CAMSAP1: variants seen among roughly 807,000 people sequenced by gnomAD.
The protein encoded by CAMSAP1 is calmodulin-regulated spectrin-associated protein 1.
In CAMSAP1, 58 loss-of-function variants were observed where a neutral mutation model predicts 143.5. That is an observed-to-expected ratio of 0.40 (90% CI 0.33 to 0.50). The LOEUF is 0.50. Ranked by LOEUF, CAMSAP1 falls within the 20% of genes least tolerant of loss-of-function variation. CAMSAP1 has a pLI of 0.45. For synonymous variants in CAMSAP1, 945 were observed against 859.3 expected, an observed-to-expected ratio of 1.10 and a Z score of -1.74; for missense variants, 1,969 against 2,115.7, an observed-to-expected ratio of 0.93 and a Z score of 1.36.
At chr9:135,906,324 AC>A (rs1838776131) in intron 1 of CAMSAP1, among the ~76,000 whole-genome samples, 1 of 152,252 alleles carries the variant, frequency 6.6e-6, no homozygotes, top group Non-Finnish European at 1.5e-5. Context: ...GAAACAAAGC[AC>A]CTGAAATTAA....
chr9:135,865,253 C>G, intron 4 of CAMSAP1: 1 of 1,382,838 alleles, frequency 7.2e-7, no homozygotes, highest in Admixed American at 2.0e-5. Context: ...GTTTTGGGTG[C>G]GAGCAGTTTT....
intron 10 of CAMSAP1, 131 bp from the exon 11 acceptor site, chr9:135,823,391 C>A: frequency 9.8e-7 from 1 of 1,021,390 alleles, no homozygotes; most frequent in East Asian, 2.7e-5. Flanking sequence ...TAAACTCACT[C>A]TTCCACAGAG....
intron 5 of CAMSAP1, among the ~76,000 whole-genome samples, chr9:135,860,349 G>A (rs897540959): frequency 2.0e-5 from 3 of 152,150 alleles, no homozygotes; most frequent in Non-Finnish European, 4.4e-5. Flanking sequence ...TGTAATCCCA[G>A]CACTTTGGGA....
chr9:135,808,960 T>C lies in CAMSAP1; in HGVS notation c.*2349A>G, dbSNP rs1405514541. 2.0e-5 allele frequency: 3 copies of C among 152,212 alleles called. No individual in the cohort carries two copies. The East Asian group carries it at 5.8e-4, about 29-fold the overall frequency. The allele number at this position is 152,212 out of a possible 1,614,324, so 9.4% of individuals were successfully genotyped here. A position where few individuals can be genotyped will look rare whatever the true frequency, so the allele number is the denominator to read the frequency against. On this transcript the variant is annotated 3_prime_UTR_variant, in exon 17 of 17. Transcript: ENST00000389532. ...GTCTTAAATAACAAGGTTAGAATTC[T>C]GAGACACAACGAAAGTTGTGCAAGC...
At chr9:135,825,525 G>A (rs1370202250) in intron 8 of CAMSAP1, among the ~76,000 whole-genome samples, 1 of 152,204 alleles carries the variant, frequency 6.6e-6, no homozygotes, top group East Asian at 1.9e-4. Context: ...GCATGGGTGT[G>A]AAGGCCTCAC....
At position 135,824,653 on chromosome 9, in the gene CAMSAP1, G is replaced by GA; in HGVS notation, c.1315+135dup. ...GCACTTCAGCCTGGTGACAGAGCAAGACTCCATCTCAAAAAACAAACAAAC... is the reference window on the plus strand; with the variant it reads ...GCACTTCAGCCTGGTGACAGAGCAAGAACTCCATCTCAAAAAACAAACAAAC... On this transcript the variant is annotated intron_variant, in intron 9 of 16. Transcript: ENST00000389532. This position sits in a 1 kb window ranked among gnomAD's most constrained non-coding sequence, Gnocchi z 4.1. 4.4e-6 allele frequency: 3 copies of GA among 679,992 alleles called. No homozygotes were observed. In the Middle Eastern group the frequency reaches 9.1e-4, roughly 206 times the overall value. The allele number at this position is 679,992 out of a possible 1,614,324, so 42.1% of individuals were successfully genotyped here.
intron 3 of CAMSAP1, among the ~76,000 whole-genome samples, chr9:135,880,882 T>G (rs1222495876): frequency 6.6e-6 from 1 of 152,184 alleles, no homozygotes; most frequent in Non-Finnish European, 1.5e-5. Context: ...AAGTAAACAT[T>G]CTTTACATAT....
At chr9:135,823,419 T>G (rs1564422928) in intron 10 of CAMSAP1, among the ~76,000 whole-genome samples, 159 bp from the exon 11 acceptor site, 1 of 152,220 alleles carries the variant, frequency 6.6e-6, no homozygotes, top group Non-Finnish European at 1.5e-5. Flanking sequence ...AAATCAGAGA[T>G]AATTTCAGCT....
intron 1 of CAMSAP1, among the ~76,000 whole-genome samples, chr9:135,906,114 G>A (rs957284780): frequency 1.3e-5 from 2 of 152,208 alleles, no homozygotes; most frequent in Non-Finnish European, 2.9e-5. Flanking sequence ...CTCGAGTCTA[G>A]CTGGGGCACA....
At chr9:135,856,795 A>T (rs1402797766) in intron 5 of CAMSAP1, among the ~76,000 whole-genome samples, 2 of 152,256 alleles carry the variant, frequency 1.3e-5, no homozygotes, top group African/African-American at 4.8e-5. Context: ...TACTTGGCTC[A>T]GTTATTCACC....
intron 16 of CAMSAP1, among the ~76,000 whole-genome samples, chr9:135,813,167 A>C (rs1835112425): frequency 6.6e-6 from 1 of 152,154 alleles, no homozygotes; most frequent in African/African-American, 2.4e-5. Context: ...CTTCCCAGGA[A>C]TCTCAGGGTC....
At chr9:135,871,901 G>A (rs1425167928) in intron 3 of CAMSAP1, among the ~76,000 whole-genome samples, 9 of 152,096 alleles carry the variant, frequency 5.9e-5, no homozygotes, top group Non-Finnish European at 1.0e-4. Context: ...TCGGGAATTC[G>A]AGACCAGCCT....
At position 135,906,968 on chromosome 9, in the gene CAMSAP1, G is replaced by T. The variant is rs1838803488; in HGVS notation, c.160+32C>A. The T allele has an allele frequency of 3.9e-6, 4 of 1,027,282 alleles. No individual in the cohort carries two copies. The African/African-American group carries it at 7.0e-5, about 18-fold the overall frequency. 63.6% of individuals were successfully genotyped at this position (1,027,282 alleles called of 1,614,324 possible). A position where few individuals can be genotyped will look rare whatever the true frequency, so the allele number is the denominator to read the frequency against. On this transcript the variant is annotated intron_variant, in intron 1 of 16. Coordinates refer to ENST00000389532, the MANE Select transcript of CAMSAP1 (RefSeq NM_015447.4). ...TCCCCCGGCCCCGGCCCGCGCCCCT[G>T]GCCCCCGCCCCGCGCCCCTCACCCG... is the stretch of plus-strand genomic sequence containing the variant.
intron 3 of CAMSAP1, among the ~76,000 whole-genome samples, chr9:135,876,863 G>A (rs925795373): frequency 1.3e-5 from 2 of 152,070 alleles, no homozygotes; most frequent in African/African-American, 4.8e-5. Flanking sequence ...ACAAAAATTA[G>A]CCAGGTGTGG....
Position 135,824,975 on chromosome 9 carries a change from C to T in CAMSAP1, c.1224-95G>A. On this transcript the variant is annotated intron_variant, in intron 8 of 16. Coordinates refer to ENST00000389532, the MANE Select transcript of CAMSAP1 (RefSeq NM_015447.4). The surrounding 1 kb of genome is among the most constrained non-coding windows in gnomAD (Gnocchi z 4.1). ...AGTGTACAGGACCATCCTGAATTCACACCAAGTTTTGAGAAACTCGGACTG... is the reference window on the plus strand; with the variant it reads ...AGTGTACAGGACCATCCTGAATTCATACCAAGTTTTGAGAAACTCGGACTG... The T allele has an allele frequency of 1.0e-6, 1 of 979,262 alleles. No homozygotes were observed. The highest frequency in any genetic ancestry group is 1.5e-6 in the Non-Finnish European group (1 of 669,162). The allele number at this position is 979,262 out of a possible 1,614,324, so 60.7% of individuals were successfully genotyped here. A position where few individuals can be genotyped will look rare whatever the true frequency, so the allele number is the denominator to read the frequency against.
At chr9:135,883,357 T>G (rs1254163242) in intron 1 of CAMSAP1, among the ~76,000 whole-genome samples, 1 of 152,158 alleles carries the variant, frequency 6.6e-6, no homozygotes, top group Non-Finnish European at 1.5e-5. Flanking sequence ...TGAAATCATT[T>G]CGTGACCTCC....
chr9:135,829,839 C>T (rs11103197), intron 7 of CAMSAP1, among the ~76,000 whole-genome samples: 2,755 of 141,230 alleles, frequency 0.02, 91 homozygotes, highest in African/African-American at 0.068. Flanking sequence ...GGCGACAGAG[C>T]GAGACTCTGT....
At chr9:135,829,897 G>A (rs1025307116) in intron 7 of CAMSAP1, among the ~76,000 whole-genome samples, 2 of 140,940 alleles carry the variant, frequency 1.4e-5, no homozygotes, top group Non-Finnish European at 3.2e-5. Flanking sequence ...ATAACAATAA[G>A]TTATGTTAAC....
At chr9:135,859,521 T>C (rs1371050031) in intron 5 of CAMSAP1, among the ~76,000 whole-genome samples, 1 of 152,028 alleles carries the variant, frequency 6.6e-6, no homozygotes, top group African/African-American at 2.4e-5. Flanking sequence ...GCCTCCCGAG[T>C]AGCTGAGACT....
Sources: allele counts gnomAD v4.1 joint callset (sites outside exome capture counted in the v4.1 genomes callset), GRCh38; gene constraint gnomAD v4.1.1; non-coding constraint Gnocchi (gnomAD v3.1); transcripts MANE v1.5; gene names NCBI Gene and HGNC (gene_info 2026-07-23, HGNC 2026-07-21).